The following ATP8A2 variants were observed in gnomAD, a reference collection of about 807,000 sequenced individuals.
ATP8A2 encodes the protein ATPase phospholipid transporting 8A2, also known as phospholipid-transporting ATPase IB.
In ATP8A2, 100 loss-of-function variants were observed where a neutral mutation model predicts 165.6. The ratio of observed to expected loss-of-function variants is 0.60; its 90% confidence interval spans 0.51 to 0.71. The LOEUF is 0.71. Among genes scored for constraint, ATP8A2 ranks in the 30% least tolerant of loss-of-function variants. The pLI is 0.00. For missense variants in ATP8A2, 1,227 were observed against 1,479.5 expected (o/e 0.83, Z 2.80); for synonymous variants, 543 against 548.8 (o/e 0.99, Z 0.15).
chr13:25,545,173 A>G (rs1185547686), intron 10 of ATP8A2, among the ~76,000 whole-genome samples: 1 of 151,986 alleles, frequency 6.6e-6, no homozygotes, highest in African/African-American at 2.4e-5. Flanking sequence ...GGCCTGTTGC[A>G]GAGCTTGTGT....
chr13:25,607,565 G>A (rs765731779), intron 24 of ATP8A2, among the ~76,000 whole-genome samples: 1 of 152,146 alleles, frequency 6.6e-6, no homozygotes, highest in Non-Finnish European at 1.5e-5. Flanking sequence ...CAAACCGCAT[G>A]GCCCACAAAT....
In ATP8A2 at chr13:26,020,244, A is replaced by C. The variant is rs776771822; in HGVS notation, c.*259A>C. 3.9e-6 allele frequency: 2 copies of C among 513,928 alleles called. No homozygotes were observed. The highest frequency in any genetic ancestry group is 7.0e-6 in the Non-Finnish European group (2 of 287,286). The allele number at this position is 513,928 out of a possible 1,614,324, so 31.8% of individuals were successfully genotyped here. ...TGTTTATGTCGTTATGAAGCATTCA[A>C]CTGTGCTCTGTGAGGTGTGAAATTA... On this transcript the variant is annotated 3_prime_UTR_variant, in exon 37 of 37. Coordinates refer to ENST00000381655, the MANE Select transcript of ATP8A2 (RefSeq NM_016529.6).
intron 2 of ATP8A2, among the ~76,000 whole-genome samples, chr13:25,501,564 C>T (rs943647047): frequency 3.3e-5 from 5 of 152,160 alleles, no homozygotes; most frequent in African/African-American, 7.2e-5. Context: ...GGAATTAGCC[C>T]TAGAAGGGGC....
At chr13:25,908,227 T>C (rs1001094806) in intron 33 of ATP8A2, among the ~76,000 whole-genome samples, 1 of 152,152 alleles carries the variant, frequency 6.6e-6, no homozygotes, top group Non-Finnish European at 1.5e-5. Context: ...AGTTTTCTAA[T>C]GCAGTGGTGT....
intron 33 of ATP8A2, among the ~76,000 whole-genome samples, chr13:25,934,968 A>G (rs1954845926): frequency 6.6e-6 from 1 of 152,156 alleles, no homozygotes; most frequent in African/African-American, 2.4e-5. Flanking sequence ...CATTCTGGAG[A>G]GTTCGATTTG....
intron 25 of ATP8A2, among the ~76,000 whole-genome samples, chr13:25,722,602 T>A (rs747819274): frequency 7.9e-5 from 12 of 152,234 alleles, no homozygotes; most frequent in Non-Finnish European, 1.5e-4. Flanking sequence ...ACTTTGGTGC[T>A]GCTACAGAAT....
chr13:25,373,620 C>T (rs535973703), intron 1 of ATP8A2, among the ~76,000 whole-genome samples: 2 of 152,238 alleles, frequency 1.3e-5, no homozygotes, highest in South Asian at 4.2e-4. Context: ...GGCTTCAGTA[C>T]AAGAAAAGAA....
intron 35 of ATP8A2, among the ~76,000 whole-genome samples, chr13:25,972,935 A>T (rs1157040184): frequency 6.6e-6 from 1 of 152,174 alleles, no homozygotes; most frequent in Non-Finnish European, 1.5e-5. Context: ...GCAAGAAAAA[A>T]AAGGGGGAAT....
intron 24 of ATP8A2, among the ~76,000 whole-genome samples, chr13:25,601,127 G>A (rs1055539303): frequency 6.6e-6 from 1 of 152,174 alleles, no homozygotes; most frequent in African/African-American, 2.4e-5. Context: ...GATGGCATAA[G>A]GGTCAAGACA....
chr13:25,886,715 G>A (rs1566237748), intron 33 of ATP8A2, among the ~76,000 whole-genome samples: 1 of 152,190 alleles, frequency 6.6e-6, no homozygotes, highest in Non-Finnish European at 1.5e-5. Flanking sequence ...TCTGATAGCT[G>A]TTCCATAGCG....
intron 33 of ATP8A2, among the ~76,000 whole-genome samples, chr13:25,934,650 A>G (rs1593585577): frequency 6.6e-6 from 1 of 152,202 alleles, no homozygotes; most frequent in African/African-American, 2.4e-5. Context: ...CATACAACAA[A>G]TGGTGGCTCT....
At chr13:25,967,176 T>C (rs1310225357) in intron 34 of ATP8A2, among the ~76,000 whole-genome samples, 6 of 152,218 alleles carry the variant, frequency 3.9e-5, no homozygotes, top group African/African-American at 1.4e-4. Flanking sequence ...AGCAAACTGT[T>C]AGATATTTGC....
intron 25 of ATP8A2, among the ~76,000 whole-genome samples, chr13:25,734,564 C>T (rs2138107898): frequency 6.6e-6 from 1 of 152,286 alleles, no homozygotes; most frequent in East Asian, 1.9e-4. Context: ...TTGCTTAAAG[C>T]AACCCTTGCC....
At chr13:25,892,866 T>C (rs1953420257) in intron 33 of ATP8A2, among the ~76,000 whole-genome samples, 1 of 151,772 alleles carries the variant, frequency 6.6e-6, no homozygotes. Flanking sequence ...ATAGAAAATA[T>C]TCTTCAAAGA....
At chr13:25,673,490 G>T (rs1409414414) in intron 24 of ATP8A2, among the ~76,000 whole-genome samples, 2 of 152,206 alleles carry the variant, frequency 1.3e-5, no homozygotes, top group Non-Finnish European at 2.9e-5. Flanking sequence ...AGAAATAGAA[G>T]TCAAACATAT....
At chr13:25,648,056 G>T (rs760017520) in intron 24 of ATP8A2, among the ~76,000 whole-genome samples, 1 of 151,930 alleles carries the variant, frequency 6.6e-6, no homozygotes, top group Non-Finnish European at 1.5e-5. Context: ...GCTATTATGC[G>T]TAGGCCAGGT....
chr13:25,438,152 A>G (rs1217648041), intron 1 of ATP8A2, among the ~76,000 whole-genome samples: 1 of 152,172 alleles, frequency 6.6e-6, no homozygotes, highest in Non-Finnish European at 1.5e-5. Flanking sequence ...AGGGCAGATG[A>G]GAAATGAGGA....
intron 27 of ATP8A2, among the ~76,000 whole-genome samples, chr13:25,819,169 A>G (rs1566170864): frequency 6.6e-6 from 1 of 152,146 alleles, no homozygotes; most frequent in Non-Finnish European, 1.5e-5. Flanking sequence ...AAAAAAATGG[A>G]TTCTGTGCAT....
At chr13:25,904,571 C>T (rs1333778494) in intron 33 of ATP8A2, among the ~76,000 whole-genome samples, 1 of 152,202 alleles carries the variant, frequency 6.6e-6, no homozygotes, top group Non-Finnish European at 1.5e-5. Flanking sequence ...CCTCCCTTGC[C>T]TTTGCCTGTG....
Sources: allele counts gnomAD v4.1 joint callset (sites outside exome capture counted in the v4.1 genomes callset), GRCh38; gene constraint gnomAD v4.1.1; transcripts MANE v1.5; gene names NCBI Gene and HGNC (gene_info 2026-07-23, HGNC 2026-07-21).